Variants in SEZ6 observed in about 807,000 individuals in gnomAD.
SEZ6 encodes the protein seizure related 6 homolog, also known as seizure protein 6 homolog.
A neutral mutation model predicts 101.0 loss-of-function variants in SEZ6; 53 were observed. The observed-to-expected ratio is 0.52, with a 90% confidence interval of 0.42 to 0.66. SEZ6 has a LOEUF of 0.66. Among genes scored for constraint, SEZ6 ranks in the 30% least tolerant of loss-of-function variants. SEZ6 has a pLI of 0.00. For missense variants in SEZ6, 1,102 were observed against 1,289.4 expected, an observed-to-expected ratio of 0.85 and a Z score of 2.23; for synonymous variants, 488 against 512.2, an observed-to-expected ratio of 0.95 and a Z score of 0.64.
At position 28,963,975 on chromosome 17, in the gene SEZ6, C is replaced by A. The variant is rs2041024492; in HGVS notation, c.1227G>T (p.Glu409Asp). The stretch of plus-strand genomic sequence containing the variant: ...CTGGGCACTCACCGATGCAGACGGG[C>A]TCCTTTGAATCCCAGAAGGGCTGGG... Reference protein sequence around the residue: ...NATQPFWDSKEPVCIAACGGV... With the variant: ...NATQPFWDSKDPVCIAACGGV... The change falls in exon 5 of 17, where the codon GAG (glutamate) becomes GAT (aspartate). Residue 409 changes from glutamate (E) to aspartate (D), a missense_variant. Glu to Asp is a conservative substitution (Grantham distance 45). Around this residue, in one of 3 missense-constraint regions of SEZ6, gnomAD observed 556 missense variants for 735.1 expected, o/e 0.76. Coordinates refer to ENST00000317338, the MANE Select transcript of SEZ6 (RefSeq NM_178860.5). The A allele has an allele frequency of 1.2e-6, 2 of 1,611,508 alleles. No homozygotes were observed. The highest frequency in any genetic ancestry group is 1.7e-6 in the Non-Finnish European group (2 of 1,178,828).
intron 1 of SEZ6, among the ~76,000 whole-genome samples, chr17:28,991,638 G>A (rs144117700): frequency 6.6e-6 from 1 of 152,340 alleles, no homozygotes; most frequent in East Asian, 1.9e-4. Context: ...TCCTGGAAAA[G>A]AGTTAAGATG....
intron 10 of SEZ6, 135 bp from the exon 11 acceptor site, chr17:28,958,276 C>A: frequency 8.1e-6 from 8 of 985,392 alleles, no homozygotes; most frequent in Non-Finnish European, 1.2e-5. Context: ...GGGATCCATT[C>A]CTCCCTGCTC....
At position 29,005,927 on chromosome 17, in the gene SEZ6, G is replaced by T. The variant is rs2041684438; in HGVS notation, c.-58C>A. 2.2e-6 allele frequency: 3 copies of T among 1,371,006 alleles called. No homozygotes were observed. The highest frequency in any genetic ancestry group is 5.4e-4 in the Middle Eastern group (2 of 3,694). The allele number at this position is 1,371,006 out of a possible 1,614,324, so 84.9% of individuals were successfully genotyped here. A position where few individuals can be genotyped will look rare whatever the true frequency, so the allele number is the denominator to read the frequency against. ...CCGCGGCGGGAGGGCGGGGGGCTTG[G>T]TGGGGCTTGGGCGCGGGGGCAGAGC... is the stretch of plus-strand genomic sequence containing the variant. On this transcript the variant is annotated 5_prime_UTR_variant, in exon 1 of 17. Transcript: ENST00000317338. The surrounding 1 kb of genome is among the most constrained non-coding windows in gnomAD (Gnocchi z 4.8).
In SEZ6 at chr17:28,981,669, C is replaced by T. The variant is rs749642733; in HGVS notation, c.426G>A (p.Pro142=). The change falls in exon 2 of 17, where the codon CCG becomes CCA. Residue 142 remains proline, a synonymous_variant. Coordinates refer to ENST00000317338, the MANE Select transcript of SEZ6 (RefSeq NM_178860.5). ...TTCGAAGCATAGGGGACTCTGACTC[C>T]GGACTCCAGGGTCCCTCCTTGGACT... The part of the protein sequence containing the change: ...QPQSKEGPWS[P]ESESPMLRIT... 42 of 1,574,522 alleles carry T rather than the reference C, an allele frequency of 2.7e-5. No individual in the cohort carries two copies. Among genetic ancestry groups the T allele is most frequent in the South Asian group, 8.2e-5 (7 of 85,726 alleles).
In SEZ6 at chr17:28,956,001, G is replaced by A. The variant is rs1215143949; in HGVS notation, c.2953-7C>T. The stretch of plus-strand genomic sequence containing the variant: ...CTCCTGCAAAGGAAAGAGACTGCTG[G>A]GAGTTGGAAACTTGTATTAGGTTTG... On this transcript the variant is annotated splice_polypyrimidine_tract_variant and splice_region_variant and intron_variant, in intron 16 of 16. Transcript: ENST00000317338. 3 of 1,612,648 alleles carry A rather than the reference G, an allele frequency of 1.9e-6. No individual in the cohort carries two copies. In the South Asian group the frequency reaches 3.3e-5, roughly 18 times the overall value.
chr17:28,990,909 T>TA (rs770712551), intron 1 of SEZ6, among the ~76,000 whole-genome samples: 38 of 151,638 alleles, frequency 2.5e-4, no homozygotes, highest in Non-Finnish European at 4.6e-4. Context: ...ATTTATTTAT[T>TA]AAAAAAAATT....
chr17:28,957,911 G>A, intron 11 of SEZ6, 36 bp downstream of exon 11: 3 of 1,592,666 alleles, frequency 1.9e-6, no homozygotes, highest in Non-Finnish European at 2.6e-6. Context: ...TGGAGTTTGT[G>A]TTGGGAAGGG....
At chr17:28,964,998 G>A (rs926848525) in intron 4 of SEZ6, among the ~76,000 whole-genome samples, 1 of 151,838 alleles carries the variant, frequency 6.6e-6, no homozygotes, top group Admixed American at 6.6e-5. Context: ...GGAGGTTGTG[G>A]TGAGCTGAGA....
intron 1 of SEZ6, among the ~76,000 whole-genome samples, chr17:29,001,609 T>A (rs2041615532): frequency 6.6e-6 from 1 of 152,208 alleles, no homozygotes. Flanking sequence ...GCAGAAAGGC[T>A]GATAAGAGCC....
intron 4 of SEZ6, among the ~76,000 whole-genome samples, chr17:28,967,852 C>T (rs767791916): frequency 1.3e-5 from 2 of 152,210 alleles, no homozygotes; most frequent in Non-Finnish European, 2.9e-5. Context: ...GGATGAGCTT[C>T]CTCCTGTTGC....
chr17:28,982,790 C>A (rs1468086795), intron 1 of SEZ6, among the ~76,000 whole-genome samples: 1 of 152,018 alleles, frequency 6.6e-6, no homozygotes, highest in Non-Finnish European at 1.5e-5. Context: ...TCCCCACACC[C>A]CCACTTCTAG....
intron 1 of SEZ6, among the ~76,000 whole-genome samples, chr17:28,991,809 C>G (rs140933837): frequency 1.3e-5 from 2 of 152,142 alleles, no homozygotes; most frequent in Non-Finnish European, 2.9e-5. Context: ...TGTCATCCAC[C>G]GATGAGGTTT....
chr17:28,963,647 A>G (rs181144032), intron 5 of SEZ6, among the ~76,000 whole-genome samples: 3 of 152,166 alleles, frequency 2.0e-5, no homozygotes, highest in Admixed American at 2.0e-4. Flanking sequence ...AGGTCACTTT[A>G]TGTCTTTTCA....
chr17:28,987,845 C>T (rs2041404015), intron 1 of SEZ6, among the ~76,000 whole-genome samples: 1 of 152,186 alleles, frequency 6.6e-6, no homozygotes, highest in Non-Finnish European at 1.5e-5. Context: ...TGTCCAAGGT[C>T]ACGCAGCTAA....
At chr17:28,998,846 T>G (rs2041577701) in intron 1 of SEZ6, among the ~76,000 whole-genome samples, 1 of 152,192 alleles carries the variant, frequency 6.6e-6, no homozygotes, top group Admixed American at 6.5e-5. Context: ...AATGAGAAAC[T>G]GAGGCCTTGA....
intron 1 of SEZ6, among the ~76,000 whole-genome samples, chr17:28,984,374 G>A (rs1337945393): frequency 1.3e-5 from 2 of 152,180 alleles, no homozygotes; most frequent in Non-Finnish European, 2.9e-5. Flanking sequence ...CCCTGGATCC[G>A]GGCATTGTTT....
At chr17:28,971,068 G>A (rs1247335971) in intron 3 of SEZ6, among the ~76,000 whole-genome samples, 1 of 152,192 alleles carries the variant, frequency 6.6e-6, no homozygotes, top group African/African-American at 2.4e-5. Context: ...ATTGGACAAC[G>A]ACGGACTCTG....
rs1383737729 is a variant in SEZ6 at position 28,981,378 on chromosome 17, C to T, written c.717G>A (p.Gln239=). 3 of 1,546,800 alleles carry T rather than the reference C, an allele frequency of 1.9e-6. No individual in the cohort carries two copies. The highest frequency in any genetic ancestry group is 1.7e-6 in the Non-Finnish European group (2 of 1,143,562). Reference sequence around the variant, plus strand: ...AGCCAGCAGGTAGCTGACCTGGTGTCTGGACTGTGGTGATGGTGGTGGTGA... The same window carrying T: ...AGCCAGCAGGTAGCTGACCTGGTGTTTGGACTGTGGTGATGGTGGTGGTGA... ...TIITTTITTV[Q]TPGPCSWNFS... is the part of the protein sequence containing the mutation. Residue 239 remains glutamine, a synonymous_variant, in exon 2 of 17, where the codon CAG becomes CAA. Transcript: ENST00000317338.
intron 4 of SEZ6, among the ~76,000 whole-genome samples, chr17:28,966,319 CA>C (rs35028548): frequency 0.064 from 8,110 of 127,206 alleles, 699 homozygotes; most frequent in African/African-American, 0.21. Flanking sequence ...ACTAAAAATA[CA>C]AAAAAAAAAA....
Sources: allele counts gnomAD v4.1 joint callset (sites outside exome capture counted in the v4.1 genomes callset), GRCh38; gene constraint gnomAD v4.1.1; regional missense constraint gnomAD v4.1.1; non-coding constraint Gnocchi (gnomAD v3.1); transcripts MANE v1.5; gene names NCBI Gene and HGNC (gene_info 2026-07-23, HGNC 2026-07-21).